Variants in PTPRD observed in about 807,000 individuals in gnomAD.
The protein encoded by PTPRD is receptor-type tyrosine-protein phosphatase delta.
In PTPRD, 34 loss-of-function variants were observed where a neutral mutation model predicts 214.5. The observed-to-expected ratio is 0.16, with a 90% confidence interval of 0.12 to 0.21. The LOEUF (loss-of-function observed/expected upper bound fraction) is 0.21. PTPRD is among the 10% of genes least tolerant of loss of function. The pLI, the probability that PTPRD is intolerant of heterozygous loss-of-function variation, is 1.00. For missense variants in PTPRD, 2,545 were observed against 2,398.7 expected (o/e 1.06, Z -1.27); for synonymous variants, 1,128 against 845.7 (o/e 1.33, Z -5.79).
intron 7 of PTPRD, among the ~76,000 whole-genome samples, chr9:9,693,663 C>G (rs149707378): frequency 9.2e-5 from 14 of 152,126 alleles, no homozygotes; most frequent in South Asian, 6.2e-4. Flanking sequence ...TGCTATTATC[C>G]CTTCGAATAA....
rs73420476 is a variant in PTPRD, at chr9:8,413,685, A to C, written c.4087-9025T>G. On this transcript the variant is annotated intron_variant, in intron 35 of 45. Transcript: ENST00000381196. Reference sequence around the variant, plus strand: ...TCACACAGGATGATCATTAATACTTATATCCATGGTGCTCAGGTGTCTTAG... The same window carrying C: ...TCACACAGGATGATCATTAATACTTCTATCCATGGTGCTCAGGTGTCTTAG... Among the ~76,000 whole-genome samples the C allele has an allele frequency of 2.7e-3, 413 of 152,280 alleles. 3 individuals are homozygous for C. Among genetic ancestry groups the C allele is most frequent in the African/African-American group, 9.6e-3 (397 of 41,568 alleles).
intron 9 of PTPRD, among the ~76,000 whole-genome samples, chr9:9,344,160 T>G (rs1307695453): frequency 6.6e-6 from 1 of 152,076 alleles, no homozygotes. Context: ...CTCATCTTTT[T>G]GTTCAAGTCC....
At chr9:8,735,311 T>C (rs900490951) in intron 11 of PTPRD, among the ~76,000 whole-genome samples, 3 of 151,652 alleles carry the variant, frequency 2.0e-5, no homozygotes, top group Non-Finnish European at 4.4e-5. Flanking sequence ...GCCTGGGTAA[T>C]TTTTGTACTT....
chr9:8,889,880 T>A (rs1483271467), intron 11 of PTPRD, among the ~76,000 whole-genome samples: 14 of 152,216 alleles, frequency 9.2e-5, no homozygotes, highest in Admixed American at 9.2e-4. Context: ...TTTGGGTTGG[T>A]TCCATATTTT....
intron 4 of PTPRD, among the ~76,000 whole-genome samples, chr9:9,998,119 A>ATATAT (rs1566997370): frequency 3.6e-5 from 2 of 55,864 alleles, no homozygotes; most frequent in East Asian, 5.3e-4. Context: ...GTATAATAAA[A>ATATAT]AAAAAAAAAA....
intron 5 of PTPRD, among the ~76,000 whole-genome samples, chr9:9,858,862 C>T (rs2062073825): frequency 6.6e-6 from 1 of 152,144 alleles, no homozygotes; most frequent in Admixed American, 6.5e-5. Flanking sequence ...ATTAATCCAA[C>T]CCATCCATTT....
At chr9:9,533,995 CTAAA>C (rs2076025033) in intron 8 of PTPRD, among the ~76,000 whole-genome samples, 1 of 151,866 alleles carries the variant, frequency 6.6e-6, no homozygotes, top group Admixed American at 6.6e-5. Flanking sequence ...GTTAAAATTG[CTAAA>C]TAAACAGTGG....
At chr9:10,553,331 A>G (rs2061758433) in intron 2 of PTPRD, among the ~76,000 whole-genome samples, 1 of 149,262 alleles carries the variant, frequency 6.7e-6, no homozygotes, top group South Asian at 2.2e-4. Flanking sequence ...ATAGACTCAT[A>G]TGTTAACAAT....
intron 12 of PTPRD, among the ~76,000 whole-genome samples, chr9:8,730,258 A>G (rs906156414): frequency 2.6e-5 from 4 of 152,220 alleles, no homozygotes; most frequent in Non-Finnish European, 4.4e-5. Context: ...TCTGTCTCAA[A>G]AAAAGAAAAA....
intron 9 of PTPRD, among the ~76,000 whole-genome samples, chr9:9,296,917 A>G (rs1953277100): frequency 6.6e-6 from 1 of 151,762 alleles, no homozygotes; most frequent in African/African-American, 2.4e-5. Flanking sequence ...GTGGCATGAG[A>G]CAGCTCCATC....
At chr9:8,559,786 C>G (rs2085433038) in intron 14 of PTPRD, among the ~76,000 whole-genome samples, 1 of 152,228 alleles carries the variant, frequency 6.6e-6, no homozygotes, top group Non-Finnish European at 1.5e-5. Flanking sequence ...CTTTAATTTA[C>G]TAGCCCATGA....
At chr9:10,202,359 T>C (rs1009626042) in intron 3 of PTPRD, among the ~76,000 whole-genome samples, 1 of 151,950 alleles carries the variant, frequency 6.6e-6, no homozygotes, top group African/African-American at 2.4e-5. Flanking sequence ...TGTCATGTTA[T>C]TGAACAGATT....
At chr9:9,521,634 A>G (rs1032224128) in intron 8 of PTPRD, among the ~76,000 whole-genome samples, 21 of 152,312 alleles carry the variant, frequency 1.4e-4, no homozygotes, top group African/African-American at 5.1e-4. Flanking sequence ...GGCAAATGAA[A>G]AAGAGATTTC....
intron 11 of PTPRD, among the ~76,000 whole-genome samples, chr9:8,979,440 T>A (rs1247192081): frequency 1.3e-5 from 2 of 151,980 alleles, no homozygotes; most frequent in African/African-American, 4.8e-5. Flanking sequence ...AATCACCAAA[T>A]GAAGTGGTAA....
At chr9:9,251,515 G>T (rs1324210724) in intron 9 of PTPRD, among the ~76,000 whole-genome samples, 1 of 151,856 alleles carries the variant, frequency 6.6e-6, no homozygotes, top group Non-Finnish European at 1.5e-5. Flanking sequence ...TTAAAAGCCG[G>T]CTCAAGGGTG....
intron 5 of PTPRD, among the ~76,000 whole-genome samples, chr9:9,892,717 G>T (rs1030250282): frequency 6.6e-6 from 1 of 151,306 alleles, no homozygotes; most frequent in African/African-American, 2.4e-5. Context: ...AAGGTACACT[G>T]GTTAGGAGCC....
chr9:8,413,706 C>G (rs187761588), intron 35 of PTPRD, among the ~76,000 whole-genome samples: 105 of 152,204 alleles, frequency 6.9e-4, no homozygotes, highest in Admixed American at 3.0e-3. Context: ...GCTCAGGTGT[C>G]TTAGAAAGTA....
rs550618102 is a variant in PTPRD, at chr9:8,646,986, A to G, written c.65-10142T>C. On this transcript the variant is annotated intron_variant, in intron 12 of 45. Coordinates refer to ENST00000381196, the MANE Select transcript of PTPRD (RefSeq NM_002839.4). ...CGTATATTTGTTTATAGTTTGGCGAATTAGCTATGGAATACAAAGTCTATG... is the reference window on the plus strand; with the variant it reads ...CGTATATTTGTTTATAGTTTGGCGAGTTAGCTATGGAATACAAAGTCTATG... Among the ~76,000 whole-genome samples the G allele has an allele frequency of 2.0e-5, 3 of 152,358 alleles. No individual in the cohort carries two copies. In the South Asian group the frequency reaches 6.2e-4, roughly 32 times the overall value.
intron 2 of PTPRD, among the ~76,000 whole-genome samples, chr9:10,534,563 G>C (rs1238910856): frequency 6.6e-6 from 1 of 151,980 alleles, no homozygotes; most frequent in Admixed American, 6.6e-5. Flanking sequence ...AAATTATTCA[G>C]AAGCATTTAG....
Sources: allele counts gnomAD v4.1 joint callset (sites outside exome capture counted in the v4.1 genomes callset), GRCh38; gene constraint gnomAD v4.1.1; transcripts MANE v1.5; gene names NCBI Gene and HGNC (gene_info 2026-07-23, HGNC 2026-07-21).